Variants in CAMTA1 observed in about 807,000 individuals in gnomAD.
CAMTA1 encodes the protein calmodulin-binding transcription activator 1.
A neutral mutation model predicts 170.9 loss-of-function variants in CAMTA1; 27 were observed. The observed-to-expected ratio is 0.16, with a 90% CI of 0.12 to 0.22. The LOEUF (loss-of-function observed/expected upper bound fraction) is 0.22, where lower values mean the gene tolerates loss of function less well. Ranked by LOEUF, CAMTA1 falls within the 10% of genes least tolerant of loss-of-function variation. The pLI is 1.00. For missense variants in CAMTA1, 1,619 were observed against 2,217.2 expected, an observed-to-expected ratio of 0.73 and a Z score of 5.42; for synonymous variants, 833 against 891.5, an observed-to-expected ratio of 0.93 and a Z score of 1.17.
chr1:7,207,755 C>A (rs903765007), intron 4 of CAMTA1, among the ~76,000 whole-genome samples: 1 of 152,134 alleles, frequency 6.6e-6, no homozygotes, highest in Non-Finnish European at 1.5e-5. Flanking sequence ...CTCCTGGTAT[C>A]TTGTGGATCC....
intron 11 of CAMTA1, among the ~76,000 whole-genome samples, chr1:7,706,490 A>C (rs1250248138): frequency 6.6e-6 from 1 of 152,218 alleles, no homozygotes; most frequent in Non-Finnish European, 1.5e-5. Context: ...TGGGAACCGG[A>C]TCAAGAGAAA....
chr1:7,490,031 G>A (rs191864915), intron 6 of CAMTA1, among the ~76,000 whole-genome samples: 26 of 152,330 alleles, frequency 1.7e-4, no homozygotes, highest in African/African-American at 6.0e-4. Context: ...CTGTGGTGAC[G>A]TCCTGAAGGT....
At chr1:7,654,345 A>G (rs2095865633) in intron 7 of CAMTA1, among the ~76,000 whole-genome samples, 1 of 151,974 alleles carries the variant, frequency 6.6e-6, no homozygotes, top group Non-Finnish European at 1.5e-5. Context: ...GCACCACTGC[A>G]CTCCAGCCTG....
chr1:7,404,009 C>T (rs1314601813), intron 5 of CAMTA1, among the ~76,000 whole-genome samples: 4 of 152,204 alleles, frequency 2.6e-5, no homozygotes, highest in Non-Finnish European at 5.9e-5. Flanking sequence ...ATGCTGTTTA[C>T]TGAACACCTT....
intron 5 of CAMTA1, among the ~76,000 whole-genome samples, chr1:7,337,509 C>T (rs988012106): frequency 8.3e-4 from 2 of 2,410 alleles, no homozygotes; most frequent in Non-Finnish European, 1.9e-3. Context: ...CAGTGTGGGC[C>T]GTGGGCTCAT....
chr1:6,868,467 T>C (rs1453931707), intron 3 of CAMTA1, among the ~76,000 whole-genome samples: 1 of 152,224 alleles, frequency 6.6e-6, no homozygotes, highest in Non-Finnish European at 1.5e-5. Flanking sequence ...TTGTTTTTCA[T>C]TTCTTTACAG....
At chr1:7,275,416 GAATAAAATA>G (rs1670446251) in intron 5 of CAMTA1, among the ~76,000 whole-genome samples, 1 of 151,544 alleles carries the variant, frequency 6.6e-6, no homozygotes, top group African/African-American at 2.4e-5. Context: ...ATTAAAATAA[GAATAAAATA>G]AATGAAATAG....
At chr1:6,915,588 A>G (rs1038546592) in intron 3 of CAMTA1, among the ~76,000 whole-genome samples, 1 of 152,196 alleles carries the variant, frequency 6.6e-6, no homozygotes, top group Admixed American at 6.5e-5. Context: ...GAGAGTGGAC[A>G]ACGTGGTCTA....
At chr1:7,651,805 G>A (rs1374981492) in intron 7 of CAMTA1, among the ~76,000 whole-genome samples, 2 of 152,262 alleles carry the variant, frequency 1.3e-5, no homozygotes, top group Admixed American at 6.5e-5. Context: ...GTGCATGAGG[G>A]AAACAGCTGC....
intron 6 of CAMTA1, among the ~76,000 whole-genome samples, chr1:7,513,693 T>C (rs1183501773): frequency 6.6e-6 from 1 of 152,010 alleles, no homozygotes; most frequent in Non-Finnish European, 1.5e-5. Context: ...GAGGCCGAGA[T>C]GGGAGTATCA....
chr1:7,672,222 C>T (rs905997294), intron 10 of CAMTA1: 24 of 378,996 alleles, frequency 6.3e-5, no homozygotes, highest in Non-Finnish European at 1.1e-4. Flanking sequence ...AGGAAAGGTA[C>T]GGGGTGGGAG....
intron 4 of CAMTA1, among the ~76,000 whole-genome samples, chr1:7,095,470 GC>G (rs917338575): frequency 1.6e-4 from 24 of 152,202 alleles, no homozygotes; most frequent in African/African-American, 5.8e-4. Context: ...TGGCAGCTCT[GC>G]CAGGTATGGA....
chr1:7,757,849 A>C (rs1406811187), intron 22 of CAMTA1, among the ~76,000 whole-genome samples: 2 of 152,178 alleles, frequency 1.3e-5, no homozygotes, highest in Non-Finnish European at 2.9e-5. Flanking sequence ...TTGGGGGAAA[A>C]AAGCAGCTAT....
In CAMTA1 at chr1:7,010,599, T is replaced by C. The variant is rs990548102; in HGVS notation, c.235-80705T>C. Among the ~76,000 whole-genome samples, 1 of 152,064 alleles carries C rather than the reference T, an allele frequency of 6.6e-6. No individual in the cohort carries two copies. Among genetic ancestry groups the C allele is most frequent in the Non-Finnish European group, 1.5e-5 (1 of 68,014 alleles). On this transcript the variant is annotated intron_variant, in intron 3 of 22. Coordinates refer to ENST00000303635, the MANE Select transcript of CAMTA1 (RefSeq NM_015215.4). This position sits in a 1 kb window ranked among gnomAD's most constrained non-coding sequence, Gnocchi z 4.4. ...GGGTGACGTTTCATTATCCATAACA[T>C]AGAGAAGATACTGAGAGTCCATGAG...
In CAMTA1 at chr1:7,663,334, T is replaced by G; in HGVS notation, c.806-19T>G. Reference sequence around the variant, plus strand: ...TGTGCCTGCGTGTGCGTGCGCGTGTTGTGTTCCGATCTCCGCAGGAGCTGG... The same window carrying G: ...TGTGCCTGCGTGTGCGTGCGCGTGTGGTGTTCCGATCTCCGCAGGAGCTGG... On this transcript the variant is annotated intron_variant, in intron 8 of 22. Transcript: ENST00000303635. 6.6e-7 allele frequency: 1 copy of G among 1,518,358 alleles called. No homozygotes were observed. The highest frequency in any genetic ancestry group is 8.8e-7 in the Non-Finnish European group (1 of 1,131,798). The allele number at this position is 1,518,358 out of a possible 1,614,324, so 94.1% of individuals were successfully genotyped here.
rs533523583 is a variant in CAMTA1 at position 6,931,306 on chromosome 1, C to G, written c.234+106096C>G. On this transcript the variant is annotated intron_variant, in intron 3 of 22. Transcript: ENST00000303635. ...TTAATTTTCAGAGGTAATATGTGTT[C>G]GGCGAGGAAAGGAAAAACAGGAAGG... Among the ~76,000 whole-genome samples, 540 of 152,114 alleles carry G rather than the reference C, an allele frequency of 3.5e-3. 1 individual carries two copies. Among genetic ancestry groups the G allele is most frequent in the African/African-American group, 0.012 (512 of 41,508 alleles).
chr1:6,998,560 G>T (rs1000016386), intron 3 of CAMTA1, among the ~76,000 whole-genome samples: 9 of 152,124 alleles, frequency 5.9e-5, no homozygotes, highest in Non-Finnish European at 1.2e-4. Context: ...TGCCCTCAAG[G>T]TTTCTTTGAG....
Position 7,033,662 on chromosome 1 carries a change from C to T in CAMTA1, c.235-57642C>T, listed in dbSNP as rs890421046. 2.3e-4 allele frequency among the ~76,000 whole-genome samples: 31 copies of T among 137,756 alleles called. 1 individual carries two copies. The highest frequency in any genetic ancestry group is 3.2e-4 in the Admixed American group (4 of 12,600). The allele number at this position is 137,756 out of a possible 152,430, so 90.4% of individuals were successfully genotyped here. On this transcript the variant is annotated intron_variant, in intron 3 of 22. Coordinates refer to ENST00000303635, the MANE Select transcript of CAMTA1 (RefSeq NM_015215.4). The stretch of plus-strand genomic sequence containing the variant: ...GGCTGGAGTGCTGTGGCGGTGATCT[C>T]GGCTCACTGCAACCTCCGCCTCCCG...
At chr1:6,922,809 A>T (rs1317850178) in intron 3 of CAMTA1, among the ~76,000 whole-genome samples, 1 of 151,906 alleles carries the variant, frequency 6.6e-6, no homozygotes, top group Non-Finnish European at 1.5e-5. Context: ...GTGTGGATCC[A>T]ATAGGCTAAG....
Sources: gnomAD v4.1 joint callset for allele counts (sites outside exome capture counted in the v4.1 genomes callset) on GRCh38, gnomAD v4.1.1 for gene constraint, Gnocchi (gnomAD v3.1) non-coding constraint, MANE v1.5 for transcripts, NCBI Gene and HGNC (gene_info 2026-07-23, HGNC 2026-07-21) for gene names.